CNTN2: variants seen among roughly 807,000 people sequenced by gnomAD.
CNTN2 encodes contactin-2.
Under a neutral mutation model 117.5 loss-of-function variants are expected in CNTN2, and 53 were observed. That is an observed-to-expected ratio of 0.45 (90% CI 0.36 to 0.57). The LOEUF is 0.57. Among genes scored for constraint, CNTN2 ranks in the 20% least tolerant of loss-of-function variants. The pLI is 0.00. For missense variants in CNTN2, 1,106 were observed against 1,404.3 expected (o/e 0.79, Z 3.39); for synonymous variants, 530 against 561.7 (o/e 0.94, Z 0.80).
chr1:205,058,320 AC>A lies in CNTN2; in HGVS notation c.357del (p.Val120LeufsTer24). On this transcript the variant is annotated frameshift_variant, in exon 4 of 23. Transcript: ENST00000331830. LOFTEE classifies it high-confidence loss of function. This position sits in a 1 kb window ranked among gnomAD's most constrained non-coding sequence, Gnocchi z 4.3. ...YQCLASNPVGTVVSREAILRF... is the reference protein window; with the variant it reads ...YQCLASNPVGXVVSREAILRF... ...GTGCCTGGCCTCCAACCCAGTGGGC[AC>A]CGTTGTCAGCAGGGAGGCCATCCTC... is the stretch of plus-strand genomic sequence containing the variant. 6.6e-7 allele frequency: 1 copy of A among 1,526,400 alleles called. No individual in the cohort carries two copies. Among genetic ancestry groups the A allele is most frequent in the South Asian group, 1.3e-5 (1 of 77,490 alleles). 94.6% of individuals were successfully genotyped at this position (1,526,400 alleles called of 1,614,324 possible). A position where few individuals can be genotyped will look rare whatever the true frequency, so the allele number is the denominator to read the frequency against.
At position 205,077,632 on chromosome 1, in the gene CNTN2, A is replaced by G. The variant is rs1192157572; in HGVS notation, c.*3867A>G. The G allele has an allele frequency of 6.6e-6, 1 of 152,278 alleles. No individual in the cohort carries two copies. The highest frequency in any genetic ancestry group is 1.5e-5 in the Non-Finnish European group (1 of 68,060). 9.4% of individuals were successfully genotyped at this position (152,278 alleles called of 1,614,324 possible). A position where few individuals can be genotyped will look rare whatever the true frequency, so the allele number is the denominator to read the frequency against. ...CTGCGGAACACCCGTGGACTTGTGT[A>G]TATGGTCATAGGCTTTGGGAAGACA... On this transcript the variant is annotated 3_prime_UTR_variant, in exon 23 of 23. Transcript: ENST00000331830.
In CNTN2 at chr1:205,070,477, A is replaced by G. The variant is rs1574660291; in HGVS notation, c.2483A>G (p.Glu828Gly). ...TGGGCCAAAGGGGTCTCATCCTCAGAGATGAACGTGACCTGGGAACCCGTG... is the reference window on the plus strand; with the variant it reads ...TGGGCCAAAGGGGTCTCATCCTCAGGGATGAACGTGACCTGGGAACCCGTG... ...KVWAKGVSSSEMNVTWEPVQQ... is the reference protein window; with the variant it reads ...KVWAKGVSSSGMNVTWEPVQQ... The change falls in exon 19 of 23, where the codon GAG becomes GGG. Residue 828 changes from glutamate (E) to glycine (G), a missense_variant. Physicochemically the swap from Glu to Gly is moderately conservative, Grantham distance 98. Transcript: ENST00000331830. 1.9e-6 allele frequency: 3 copies of G among 1,613,988 alleles called. No individual in the cohort carries two copies. The highest frequency in any genetic ancestry group is 1.7e-6 in the Non-Finnish European group (2 of 1,179,960).
At chr1:205,047,638 T>C (rs543157424) in intron 1 of CNTN2, among the ~76,000 whole-genome samples, 12 of 152,198 alleles carry the variant, frequency 7.9e-5, no homozygotes, top group Non-Finnish European at 1.5e-4. Context: ...CATTGCACCT[T>C]TGAGGCGTAA....
chr1:205,051,560 CG>C (rs1184241249), intron 1 of CNTN2, among the ~76,000 whole-genome samples: 1 of 151,882 alleles, frequency 6.6e-6, no homozygotes, highest in Non-Finnish European at 1.5e-5. Flanking sequence ...GCCTGTCAAT[CG>C]GAAGTGGATA....
At chr1:205,044,968 A>G (rs2096438941) in intron 1 of CNTN2, among the ~76,000 whole-genome samples, 1 of 152,168 alleles carries the variant, frequency 6.6e-6, no homozygotes. Flanking sequence ...ACAAGGTCAG[A>G]GTCCTTCCTA....
At chr1:205,053,354 G>A (rs1385150124) in intron 2 of CNTN2, 99 bp downstream of exon 2, 6 of 970,500 alleles carry the variant, frequency 6.2e-6, no homozygotes, top group Non-Finnish European at 7.4e-6. Flanking sequence ...CATTGGCTCT[G>A]CATTGTGGGA....
At chr1:205,055,274 A>C (rs537234090) in intron 2 of CNTN2, among the ~76,000 whole-genome samples, 1 of 152,110 alleles carries the variant, frequency 6.6e-6, no homozygotes, top group African/African-American at 2.4e-5. Context: ...TCCGCCTCTC[A>C]AAGTGCTGGG....
At position 205,059,352 on chromosome 1, in the gene CNTN2, G is replaced by T; in HGVS notation, c.697+59G>T. The T allele has an allele frequency of 6.6e-7, 1 of 1,519,820 alleles. No individual in the cohort carries two copies. 94.1% of individuals were successfully genotyped at this position (1,519,820 alleles called of 1,614,324 possible). ...AACTGGAAGGGTCAGCGGGCATTAGGAAAAGGGTTTTTCCTTTGGAGATTG... is the reference window on the plus strand; with the variant it reads ...AACTGGAAGGGTCAGCGGGCATTAGTAAAAGGGTTTTTCCTTTGGAGATTG... On this transcript the variant is annotated intron_variant, in intron 6 of 22. Transcript: ENST00000331830. The surrounding 1 kb of genome is among the most constrained non-coding windows in gnomAD (Gnocchi z 5.6).
chr1:205,053,282 G>A, intron 2 of CNTN2, 27 bp downstream of exon 2: 1 of 1,589,882 alleles, frequency 6.3e-7, no homozygotes, highest in African/African-American at 1.3e-5. Flanking sequence ...GGGCTTTGAA[G>A]CCTAGCAGGC....
intron 1 of CNTN2, among the ~76,000 whole-genome samples, chr1:205,052,250 TAGGAAAG>T (rs2096454156): frequency 6.6e-6 from 1 of 152,102 alleles, no homozygotes; most frequent in Non-Finnish European, 1.5e-5. Context: ...CCCTCTGAAC[TAGGAAAG>T]TCCTCCCAGG....
At position 205,064,736 on chromosome 1, in the gene CNTN2, T is replaced by C; in HGVS notation, c.1505T>C (p.Ile502Thr). 1.2e-6 allele frequency: 2 copies of C among 1,614,022 alleles called. No homozygotes were observed. The highest frequency in any genetic ancestry group is 1.7e-6 in the Non-Finnish European group (2 of 1,179,990). ...ATGGGCAAAGCCAACAGCACTGGAA[T>C]CCTATCTGTGCGAGGTGAGGGCTGC... ...NFMGKANSTGILSVRDATKIT... is the reference protein window; with the variant it reads ...NFMGKANSTGTLSVRDATKIT... The change falls in exon 12 of 23, where the codon ATC becomes ACC. Residue 502 changes from isoleucine (I) to threonine (T), a missense_variant. Coordinates refer to ENST00000331830, the MANE Select transcript of CNTN2 (RefSeq NM_005076.5).
Position 205,058,688 on chromosome 1 carries a change from T to C in CNTN2, c.487+25T>C. ...GGTGAGTCCAGACCTGGGGCCAGGGTTAGAGAGGGCACAGGAAGGGCTTCC... is the reference window on the plus strand; with the variant it reads ...GGTGAGTCCAGACCTGGGGCCAGGGCTAGAGAGGGCACAGGAAGGGCTTCC... On this transcript the variant is annotated intron_variant, in intron 5 of 22. Coordinates refer to ENST00000331830, the MANE Select transcript of CNTN2 (RefSeq NM_005076.5). The surrounding 1 kb of genome is among the most constrained non-coding windows in gnomAD (Gnocchi z 4.3). 6.3e-7 allele frequency: 1 copy of C among 1,581,068 alleles called. No individual in the cohort carries two copies. Among genetic ancestry groups the C allele is most frequent in the Non-Finnish European group, 8.7e-7 (1 of 1,153,848 alleles).
Position 205,059,589 on chromosome 1 carries a change from G to T in CNTN2, c.704G>T (p.Arg235Leu). 1.2e-6 allele frequency: 2 copies of T among 1,614,100 alleles called. No homozygotes were observed. The highest frequency in any genetic ancestry group is 1.7e-6 in the Non-Finnish European group (2 of 1,180,008). The part of the protein sequence containing the change: ...AQLNLAAEDT[R>L]LFAPSIKARF... The stretch of plus-strand genomic sequence containing the variant: ...TAAAACCCTCTCTCCCCAGATACCC[G>T]GCTCTTTGCACCCAGCATCAAGGCC... Residue 235 changes from arginine to leucine, a missense_variant, in exon 7 of 23, where the codon CGG becomes CTG. Transcript: ENST00000331830. This position sits in a 1 kb window ranked among gnomAD's most constrained non-coding sequence, Gnocchi z 5.6.
At chr1:205,062,261 G>T in intron 9 of CNTN2, 179 bp from the exon 10 acceptor site, 1 of 930,594 alleles carries the variant, frequency 1.1e-6, no homozygotes, top group South Asian at 1.8e-5. Flanking sequence ...CAGCTTTGGG[G>T]AGGCCTGGGT....
rs557426665 is a variant in CNTN2, at chr1:205,049,203, G to A, written c.-86-3897G>A. On this transcript the variant is annotated intron_variant, in intron 1 of 22. Coordinates refer to ENST00000331830, the MANE Select transcript of CNTN2 (RefSeq NM_005076.5). Reference sequence around the variant, plus strand: ...TAACAGATAATTCTGACTACTGGAGGTGGAGGCGAAGGATCTATGATGCAA... The same window carrying A: ...TAACAGATAATTCTGACTACTGGAGATGGAGGCGAAGGATCTATGATGCAA... Among the ~76,000 whole-genome samples, 128 of 151,416 alleles carry A rather than the reference G, an allele frequency of 8.5e-4. No homozygotes were observed. The Middle Eastern group carries it at 0.01, about 12-fold the overall frequency.
Position 205,071,992 on chromosome 1 carries a change from G to A in CNTN2, c.2590G>A (p.Val864Met). Residue 864 changes from valine (V) to methionine (M), a missense_variant, in exon 20 of 23, where the codon GTG becomes ATG. By Grantham distance (21) the Val-to-Met change is conservative. Coordinates refer to ENST00000331830, the MANE Select transcript of CNTN2 (RefSeq NM_005076.5). ...GGACAAAGAAGCAGCTGCGGACCGA[G>A]TGAGGACAGCAGGGCTGGACACCAG... is the stretch of plus-strand genomic sequence containing the variant. ...AGDKEAAADRVRTAGLDTSAR... is the reference protein window; with the variant it reads ...AGDKEAAADRMRTAGLDTSAR... 1 of 1,614,080 alleles carries A rather than the reference G, an allele frequency of 6.2e-7. No individual in the cohort carries two copies. Among genetic ancestry groups the A allele is most frequent in the South Asian group, 1.1e-5 (1 of 91,080 alleles).
Position 205,065,874 on chromosome 1 carries a change from A to T in CNTN2, c.1781A>T (p.Asp594Val). 1 of 1,613,896 alleles carries T rather than the reference A, an allele frequency of 6.2e-7. No homozygotes were observed. The highest frequency in any genetic ancestry group is 8.5e-7 in the Non-Finnish European group (1 of 1,179,946). The change falls in exon 14 of 23, where the codon GAC (aspartate) becomes GTC (valine). Residue 594 changes from aspartate to valine, a missense_variant. Physicochemically the swap from Asp to Val is radical, Grantham distance 152. Coordinates refer to ENST00000331830, the MANE Select transcript of CNTN2 (RefSeq NM_005076.5). This position sits in a 1 kb window ranked among gnomAD's most constrained non-coding sequence, Gnocchi z 4.1. ...KYTCMAQTVVDSASKEATVLV... is the reference protein window; with the variant it reads ...KYTCMAQTVVVSASKEATVLV... Reference sequence around the variant, plus strand: ...ACGTGCATGGCCCAGACGGTGGTGGACAGCGCGTCCAAGGAGGCCACAGTC... The same window carrying T: ...ACGTGCATGGCCCAGACGGTGGTGGTCAGCGCGTCCAAGGAGGCCACAGTC...
Position 205,059,009 on chromosome 1 carries a change from G to C in CNTN2, c.488-75G>C, listed in dbSNP as rs528298245. 1 of 1,351,392 alleles carries C rather than the reference G, an allele frequency of 7.4e-7. No homozygotes were observed. The highest frequency in any genetic ancestry group is 1.0e-6 in the Non-Finnish European group (1 of 955,596). 83.7% of individuals were successfully genotyped at this position (1,351,392 alleles called of 1,614,324 possible). The stretch of plus-strand genomic sequence containing the variant: ...GGACAGGGCTTGCAGAACCGCACCA[G>C]CATGCTGGGGTCCCACCCAGAGTGG... On this transcript the variant is annotated intron_variant, in intron 5 of 22. Transcript: ENST00000331830. The surrounding 1 kb of genome is among the most constrained non-coding windows in gnomAD (Gnocchi z 5.6).
rs1187419852 is a variant in CNTN2 at position 205,048,196 on chromosome 1, T to C, written c.-87+4802T>C. On this transcript the variant is annotated intron_variant, in intron 1 of 22. Coordinates refer to ENST00000331830, the MANE Select transcript of CNTN2 (RefSeq NM_005076.5). This position sits in a 1 kb window ranked among gnomAD's most constrained non-coding sequence, Gnocchi z 4.1. ...TCTCTCATTGCTCTCCAATCTCCATTACTGGGGAGAAGGGGAGACAGATTC... is the reference window on the plus strand; with the variant it reads ...TCTCTCATTGCTCTCCAATCTCCATCACTGGGGAGAAGGGGAGACAGATTC... Among the ~76,000 whole-genome samples, 1 of 152,134 alleles carries C rather than the reference T, an allele frequency of 6.6e-6. No homozygotes were observed. The highest frequency in any genetic ancestry group is 1.5e-5 in the Non-Finnish European group (1 of 68,016).
Sources: allele counts gnomAD v4.1 joint callset (sites outside exome capture counted in the v4.1 genomes callset), GRCh38; gene constraint gnomAD v4.1.1; non-coding constraint Gnocchi (gnomAD v3.1); transcripts MANE v1.5; gene names NCBI Gene and HGNC (gene_info 2026-07-23, HGNC 2026-07-21).